HACD2: variants seen among roughly 807,000 people sequenced by gnomAD.
The protein encoded by HACD2 is very-long-chain (3R)-3-hydroxyacyl-CoA dehydratase 2.
Under a neutral mutation model 31.0 loss-of-function variants are expected in HACD2, and 15 were observed. The ratio of observed to expected loss-of-function variants is 0.48; its 90% CI spans 0.32 to 0.75. HACD2 has a LOEUF of 0.75. HACD2 is among the 30% of genes least tolerant of loss of function. The probability of loss-of-function intolerance (pLI) is 0.03; values close to 1 mark genes in which losing one functional copy is unlikely to be tolerated. For synonymous variants in HACD2, 115 were observed against 122.2 expected (o/e 0.94, Z 0.39); for missense variants, 283 against 313.0 (o/e 0.90, Z 0.72).
At chr3:123,541,506 A>G (rs1341139573) in intron 3 of HACD2, among the ~76,000 whole-genome samples, 1 of 152,164 alleles carries the variant, frequency 6.6e-6, no homozygotes, top group Non-Finnish European at 1.5e-5. Flanking sequence ...GCTGTACTAG[A>G]AGGTTGTGAA....
intron 3 of HACD2, among the ~76,000 whole-genome samples, chr3:123,536,455 C>T (rs1219750862): frequency 2.0e-5 from 3 of 152,162 alleles, no homozygotes; most frequent in African/African-American, 7.2e-5. Context: ...AAAAGGAAAC[C>T]ACCCATTGCA....
rs116801879 is a variant in HACD2 at position 123,558,169 on chromosome 3, G to A, written c.292+9593C>T. On this transcript the variant is annotated intron_variant, in intron 3 of 6. Coordinates refer to ENST00000383657, the MANE Select transcript of HACD2 (RefSeq NM_198402.5). ...CACATATTACTAAGTCAAAGAAGTC[G>A]GTCTGAAAAGGCTGCATACTGTATG... Among the ~76,000 whole-genome samples the A allele has an allele frequency of 7.0e-3, 1,072 of 152,234 alleles. 11 individuals carry two copies. The highest frequency in any genetic ancestry group is 0.024 in the African/African-American group (996 of 41,528).
chr3:123,496,238 G>C (rs908270918), intron 6 of HACD2, among the ~76,000 whole-genome samples: 3 of 152,180 alleles, frequency 2.0e-5, no homozygotes, highest in African/African-American at 7.2e-5. Context: ...GCCCAGGCTT[G>C]TCTGGAACCC....
chr3:123,515,137 C>T (rs1367162622), intron 4 of HACD2, among the ~76,000 whole-genome samples: 1 of 152,178 alleles, frequency 6.6e-6, no homozygotes. Context: ...AAGGGAACCA[C>T]GGGGCCTGGG....
At chr3:123,561,227 A>G (rs2056725952) in intron 3 of HACD2, among the ~76,000 whole-genome samples, 1 of 152,168 alleles carries the variant, frequency 6.6e-6, no homozygotes, top group Non-Finnish European at 1.5e-5. Flanking sequence ...GTTACCTAAT[A>G]AAATCAGTCT....
intron 4 of HACD2, among the ~76,000 whole-genome samples, chr3:123,506,027 C>T (rs2055971500): frequency 6.6e-6 from 1 of 152,232 alleles, no homozygotes; most frequent in Admixed American, 6.5e-5. Flanking sequence ...TGCTGCTGTT[C>T]TTTGGAAAGA....
At chr3:123,518,993 A>C (rs567860545) in intron 4 of HACD2, among the ~76,000 whole-genome samples, 4 of 139,342 alleles carry the variant, frequency 2.9e-5, no homozygotes, top group Non-Finnish European at 6.1e-5. Flanking sequence ...TGAGACTCCA[A>C]CTAAAAAAAA....
intron 3 of HACD2, among the ~76,000 whole-genome samples, chr3:123,531,923 T>C (rs2056366785): frequency 6.6e-6 from 1 of 152,202 alleles, no homozygotes; most frequent in African/African-American, 2.4e-5. Context: ...CACTCAAAAT[T>C]CGAGGCTTAG....
intron 3 of HACD2, among the ~76,000 whole-genome samples, chr3:123,556,245 C>G (rs2107736129): frequency 6.6e-6 from 1 of 152,084 alleles, no homozygotes; most frequent in Middle Eastern, 3.4e-3. Context: ...AAGACCATCC[C>G]TGGCAACACG....
At chr3:123,497,531 G>A (rs896671040) in intron 6 of HACD2, among the ~76,000 whole-genome samples, 2 of 152,164 alleles carry the variant, frequency 1.3e-5, no homozygotes, top group Non-Finnish European at 2.9e-5. Context: ...CAGAGGTGTG[G>A]TTACAGTCAC....
At chr3:123,525,705 C>A (rs1412952902) in intron 4 of HACD2, among the ~76,000 whole-genome samples, 1 of 152,000 alleles carries the variant, frequency 6.6e-6, no homozygotes. Context: ...GAATTCTTGT[C>A]CACTTTAGAG....
chr3:123,542,010 A>G (rs985875202), intron 3 of HACD2, among the ~76,000 whole-genome samples: 1 of 150,582 alleles, frequency 6.6e-6, no homozygotes, highest in Non-Finnish European at 1.5e-5. Context: ...AGCCAGGTGT[A>G]GTGGCGGGCG....
At chr3:123,520,871 C>A (rs2056206034) in intron 4 of HACD2, among the ~76,000 whole-genome samples, 1 of 152,192 alleles carries the variant, frequency 6.6e-6, no homozygotes, top group East Asian at 1.9e-4. Context: ...TAAAACCACA[C>A]AGGCTCTTAG....
At position 123,581,718 on chromosome 3, in the gene HACD2, A is replaced by G. The variant is rs189279273; in HGVS notation, c.273+494T>C. Among the ~76,000 whole-genome samples, 713 of 152,316 alleles carry G rather than the reference A, an allele frequency of 4.7e-3. 7 individuals carry two copies. Among genetic ancestry groups the G allele is most frequent in the South Asian group, 0.011 (55 of 4,826 alleles). On this transcript the variant is annotated intron_variant, in intron 2 of 6. Coordinates refer to ENST00000383657, the MANE Select transcript of HACD2 (RefSeq NM_198402.5). The stretch of plus-strand genomic sequence containing the variant: ...TGTCCCTTGCAATTCCAAAATCCTA[A>G]TCTATACTTACCCCAAGAGAGAGGG...
In HACD2 at chr3:123,492,492, G is replaced by A. The variant is rs894515280; in HGVS notation, c.*2396C>T. On this transcript the variant is annotated 3_prime_UTR_variant, in exon 7 of 7. Coordinates refer to ENST00000383657, the MANE Select transcript of HACD2 (RefSeq NM_198402.5). ...GATAAAGAAACCAGTTACTGAGAGA[G>A]GTTACTGAAGGACACAGTGACATGC... 1 of 152,188 alleles carries A rather than the reference G, an allele frequency of 6.6e-6. No homozygotes were observed. Among genetic ancestry groups the A allele is most frequent in the African/African-American group, 2.4e-5 (1 of 41,444 alleles). The allele number at this position is 152,188 out of a possible 1,614,324, so 9.4% of individuals were successfully genotyped here. A position where few individuals can be genotyped will look rare whatever the true frequency, so the allele number is the denominator to read the frequency against.
At position 123,569,767 on chromosome 3, in the gene HACD2, G is replaced by A. The variant is rs868475367; in HGVS notation, c.274-1987C>T. ...CTTTGGGAGGCCGAGGCAGGCGGAT[G>A]ACCTGAGGTCAGGAGTTTGAGACCA... On this transcript the variant is annotated intron_variant, in intron 2 of 6. Coordinates refer to ENST00000383657, the MANE Select transcript of HACD2 (RefSeq NM_198402.5). Among the ~76,000 whole-genome samples, 135 of 151,972 alleles carry A rather than the reference G, an allele frequency of 8.9e-4. No individual in the cohort carries two copies. The Middle Eastern group carries it at 0.01, about 11-fold the overall frequency.
At chr3:123,580,886 C>T (rs936327280) in intron 2 of HACD2, among the ~76,000 whole-genome samples, 6 of 138,244 alleles carry the variant, frequency 4.3e-5, no homozygotes, top group Non-Finnish European at 9.2e-5. Flanking sequence ...GACAGAGTCT[C>T]GTTCTGTTGC....
chr3:123,566,117 C>G (rs974301913), intron 3 of HACD2, among the ~76,000 whole-genome samples: 3 of 151,568 alleles, frequency 2.0e-5, no homozygotes, highest in Non-Finnish European at 4.4e-5. Context: ...ATCATAGACT[C>G]CTCAGAGAAT....
chr3:123,516,279 G>A (rs1436173864), intron 4 of HACD2, among the ~76,000 whole-genome samples: 1 of 145,746 alleles, frequency 6.9e-6, no homozygotes, highest in African/African-American at 2.5e-5. Flanking sequence ...TGTCACCCAG[G>A]CTGCAGTGCA....
Sources: gnomAD v4.1 joint callset for allele counts (sites outside exome capture counted in the v4.1 genomes callset) on GRCh38, gnomAD v4.1.1 for gene constraint, MANE v1.5 for transcripts, NCBI Gene and HGNC (gene_info 2026-07-23, HGNC 2026-07-21) for gene names.